The following AUTS2 variants were observed in gnomAD, a reference collection of about 807,000 sequenced individuals.
The protein encoded by AUTS2 is activator of transcription and developmental regulator AUTS2, also known as autism susceptibility gene 2 protein.
AUTS2 carries 17 observed loss-of-function variants against 112.4 expected under a neutral mutation model. The ratio of observed to expected loss-of-function variants is 0.15; its 90% CI spans 0.10 to 0.23. The LOEUF (loss-of-function observed/expected upper bound fraction) is 0.23. AUTS2 is among the 10% of genes least tolerant of loss of function. The probability of loss-of-function intolerance (pLI) is 1.00; values close to 1 mark genes in which losing one functional copy is unlikely to be tolerated. For missense variants in AUTS2, 1,510 were observed against 1,701.6 expected (o/e 0.89, Z 1.98); for synonymous variants, 751 against 702.7 (o/e 1.07, Z -1.09).
At chr7:70,545,265 A>G (rs562499580) in intron 5 of AUTS2, among the ~76,000 whole-genome samples, 36 of 152,322 alleles carry the variant, frequency 2.4e-4, no homozygotes, top group African/African-American at 8.2e-4. Flanking sequence ...AGCCGAGAGC[A>G]GTTCCCTAAG....
At chr7:69,992,545 A>G (rs1234458568) in intron 2 of AUTS2, among the ~76,000 whole-genome samples, 1 of 152,118 alleles carries the variant, frequency 6.6e-6, no homozygotes, top group East Asian at 1.9e-4. Context: ...CAATACTTGG[A>G]GAAGGTTTTG....
At chr7:70,117,749 C>CTT (rs202124430) in intron 2 of AUTS2, among the ~76,000 whole-genome samples, 4 of 144,068 alleles carry the variant, frequency 2.8e-5, no homozygotes, top group South Asian at 2.2e-4. Flanking sequence ...ATTGTTCACT[C>CTT]TTTTTTTTTT....
rs549359091 is a variant in AUTS2 at position 69,787,359 on chromosome 7, G to T, written c.310-111927G>T. Among the ~76,000 whole-genome samples the T allele has an allele frequency of 2.0e-5, 3 of 152,312 alleles. No homozygotes were observed. The South Asian group carries it at 6.2e-4, about 32-fold the overall frequency. On this transcript the variant is annotated intron_variant, in intron 1 of 18. Coordinates refer to ENST00000342771, the MANE Select transcript of AUTS2 (RefSeq NM_015570.4). Reference sequence around the variant, plus strand: ...AGACACTCTTTTTCTGTCATAGAAAGATAGCCTAGTTTTACCAGAGAGGAG... The same window carrying T: ...AGACACTCTTTTTCTGTCATAGAAATATAGCCTAGTTTTACCAGAGAGGAG...
At chr7:69,854,497 A>G (rs2129530272) in intron 1 of AUTS2, among the ~76,000 whole-genome samples, 1 of 152,262 alleles carries the variant, frequency 6.6e-6, no homozygotes, top group East Asian at 1.9e-4. Context: ...AATGAAAGGT[A>G]AAAGATATAA....
At chr7:70,098,807 A>G (rs1296548408) in intron 2 of AUTS2, among the ~76,000 whole-genome samples, 2 of 151,676 alleles carry the variant, frequency 1.3e-5, no homozygotes, top group East Asian at 1.9e-4. Context: ...GGTTCAAGCA[A>G]TTCTCCTGCC....
chr7:70,141,279 G>A (rs892617862), intron 4 of AUTS2, among the ~76,000 whole-genome samples: 1 of 152,178 alleles, frequency 6.6e-6, no homozygotes, highest in Admixed American at 6.5e-5. Context: ...TAAAGCCAGG[G>A]AGGTAGTCGG....
chr7:69,885,785 T>C (rs573602223), intron 1 of AUTS2, among the ~76,000 whole-genome samples: 1 of 152,362 alleles, frequency 6.6e-6, no homozygotes, highest in East Asian at 1.9e-4. Flanking sequence ...TTTTAAAAGA[T>C]ACTGTAAACT....
chr7:70,338,743 C>CT (rs1181167150), intron 4 of AUTS2, among the ~76,000 whole-genome samples: 2 of 152,030 alleles, frequency 1.3e-5, no homozygotes, highest in Non-Finnish European at 2.9e-5. Flanking sequence ...AGAAGTCAGG[C>CT]TTTTTTTATT....
intron 2 of AUTS2, among the ~76,000 whole-genome samples, chr7:70,003,701 A>T (rs913109653): frequency 8.0e-6 from 1 of 125,032 alleles, no homozygotes; most frequent in African/African-American, 3.1e-5. Context: ...AATATATATA[A>T]TATATATGAA....
intron 5 of AUTS2, among the ~76,000 whole-genome samples, chr7:70,656,212 AATC>A (rs1806762667): frequency 6.6e-6 from 1 of 152,230 alleles, no homozygotes; most frequent in East Asian, 1.9e-4. Flanking sequence ...TTCTTAGTAA[AATC>A]ATATAATGTC....
At chr7:69,956,711 T>C (rs1584490759) in intron 2 of AUTS2, among the ~76,000 whole-genome samples, 2 of 152,272 alleles carry the variant, frequency 1.3e-5, no homozygotes, top group East Asian at 1.9e-4. Context: ...CAGTGCTCTG[T>C]AGAGTGTGGC....
intron 1 of AUTS2, among the ~76,000 whole-genome samples, chr7:69,788,829 G>C (rs896804206): frequency 6.6e-6 from 1 of 150,812 alleles, no homozygotes; most frequent in African/African-American, 2.4e-5. Context: ...AACTTGCATA[G>C]ACAGAATAAG....
At chr7:69,857,968 C>T (rs1053631615) in intron 1 of AUTS2, among the ~76,000 whole-genome samples, 1 of 152,166 alleles carries the variant, frequency 6.6e-6, no homozygotes, top group African/African-American at 2.4e-5. Flanking sequence ...CTAGTCATTG[C>T]CTTATGGGCA....
chr7:70,557,708 G>T (rs1187003100), intron 5 of AUTS2, among the ~76,000 whole-genome samples: 1 of 152,186 alleles, frequency 6.6e-6, no homozygotes, highest in African/African-American at 2.4e-5. Context: ...TCACAGATGT[G>T]TCCTCAAGTC....
intron 4 of AUTS2, among the ~76,000 whole-genome samples, chr7:70,420,072 C>T (rs1485500020): frequency 2.0e-5 from 3 of 152,090 alleles, no homozygotes; most frequent in Non-Finnish European, 2.9e-5. Flanking sequence ...ACTAAGTGAG[C>T]GGCTTTCTAC....
chr7:70,752,742 C>T (rs968990022), intron 6 of AUTS2, among the ~76,000 whole-genome samples: 1 of 152,156 alleles, frequency 6.6e-6, no homozygotes, highest in African/African-American at 2.4e-5. Flanking sequence ...TTTCTAAAGA[C>T]TTTTTAAGGA....
rs887982399 is a variant in AUTS2, at chr7:70,278,484, G to A, written c.660+143913G>A. On this transcript the variant is annotated intron_variant, in intron 4 of 18. Coordinates refer to ENST00000342771, the MANE Select transcript of AUTS2 (RefSeq NM_015570.4). ...TGTGGTCCCAGCTACTTGGGAGGCTGAGGTGGGAGGCTTGAGCCTGGGTGG... is the reference window on the plus strand; with the variant it reads ...TGTGGTCCCAGCTACTTGGGAGGCTAAGGTGGGAGGCTTGAGCCTGGGTGG... 2.0e-5 allele frequency among the ~76,000 whole-genome samples: 3 copies of A among 152,132 alleles called. No individual in the cohort carries two copies. In the South Asian group the frequency reaches 6.2e-4, roughly 31 times the overall value.
At chr7:70,436,487 T>C (rs1464783378) in intron 5 of AUTS2, 1 of 152,256 alleles carries the variant, frequency 6.6e-6, no homozygotes, top group Admixed American at 6.5e-5. Flanking sequence ...AAAGGGATTA[T>C]TTGTCTGTTT....
intron 4 of AUTS2, among the ~76,000 whole-genome samples, chr7:70,262,587 A>T (rs866897498): frequency 6.6e-6 from 1 of 152,384 alleles, no homozygotes; most frequent in African/African-American, 2.4e-5. Flanking sequence ...TCAAAAAGAT[A>T]TCAAATATTT....
Sources: allele counts gnomAD v4.1 joint callset (sites outside exome capture counted in the v4.1 genomes callset), GRCh38; gene constraint gnomAD v4.1.1; transcripts MANE v1.5; gene names NCBI Gene and HGNC (gene_info 2026-07-23, HGNC 2026-07-21).